ZCWPW2: variants seen among roughly 807,000 people sequenced by gnomAD.
The protein encoded by ZCWPW2 is zinc finger CW-type PWWP domain protein 2.
In ZCWPW2, 45 loss-of-function variants were observed where a neutral mutation model predicts 46.6. That is an observed-to-expected ratio of 0.96 (90% CI 0.76 to 1.24). The LOEUF (loss-of-function observed/expected upper bound fraction) is 1.24. Among genes scored for constraint, ZCWPW2 ranks in the 50% most tolerant of loss-of-function variants. ZCWPW2 has a pLI of 0.00. For synonymous variants in ZCWPW2, 152 were observed against 137.1 expected (o/e 1.11, Z -0.76); for missense variants, 429 against 403.9 (o/e 1.06, Z -0.53).
intron 4 of ZCWPW2, among the ~76,000 whole-genome samples, chr3:28,436,141 A>G (rs1458749695): frequency 1.3e-5 from 2 of 152,134 alleles, no homozygotes; most frequent in Admixed American, 6.6e-5. Context: ...TTATGAGAAT[A>G]GGTAAACTGG....
chr3:28,435,939 CTT>C (rs770132356), intron 4 of ZCWPW2, among the ~76,000 whole-genome samples: 94 of 152,230 alleles, frequency 6.2e-4, no homozygotes, highest in Non-Finnish European at 1.0e-3. Flanking sequence ...CACAGGAAAA[CTT>C]AATTATGGAT....
chr3:28,409,407 A>G (rs1333414254), intron 2 of ZCWPW2, among the ~76,000 whole-genome samples: 21 of 151,454 alleles, frequency 1.4e-4, no homozygotes, highest in Admixed American at 1.4e-3. Flanking sequence ...GGCATGAGGA[A>G]CCATGCCCGG....
chr3:28,491,914 A>T (rs1398693981), intron 5 of ZCWPW2, among the ~76,000 whole-genome samples: 1 of 152,106 alleles, frequency 6.6e-6, no homozygotes, highest in Admixed American at 6.6e-5. Context: ...CCAAATAAGT[A>T]TAAAAATGTT....
At chr3:28,391,409 A>G (rs189861930) in intron 2 of ZCWPW2, among the ~76,000 whole-genome samples, 1 of 152,004 alleles carries the variant, frequency 6.6e-6, no homozygotes, top group African/African-American at 2.4e-5. Context: ...AAAGCCAATG[A>G]GACAGCCACC....
At chr3:28,393,848 G>A (rs552471438) in intron 2 of ZCWPW2, among the ~76,000 whole-genome samples, 38 of 152,166 alleles carry the variant, frequency 2.5e-4, no homozygotes, top group African/African-American at 8.9e-4. Flanking sequence ...GTGGGGAAAG[G>A]TCTAACGTTT....
At chr3:28,520,618 G>T (rs1425050346) in intron 8 of ZCWPW2, among the ~76,000 whole-genome samples, 5 of 152,118 alleles carry the variant, frequency 3.3e-5, no homozygotes, top group African/African-American at 1.2e-4. Flanking sequence ...CCCAAAGCCT[G>T]AAATATTGGC....
chr3:28,427,676 C>T (rs927221783), intron 3 of ZCWPW2, among the ~76,000 whole-genome samples: 7 of 152,166 alleles, frequency 4.6e-5, no homozygotes, highest in African/African-American at 9.7e-5. Context: ...AAAATGAATA[C>T]TCTTGGGCCC....
chr3:28,441,552 C>T (rs1457874617), intron 4 of ZCWPW2, among the ~76,000 whole-genome samples: 1 of 152,128 alleles, frequency 6.6e-6, no homozygotes, highest in African/African-American at 2.4e-5. Context: ...AGAACCATCT[C>T]TTCTTCTGTC....
chr3:28,366,105 T>C (rs1227030266), intron 1 of ZCWPW2, among the ~76,000 whole-genome samples: 1 of 151,346 alleles, frequency 6.6e-6, no homozygotes, highest in Non-Finnish European at 1.5e-5. Flanking sequence ...ATAATTTGAC[T>C]TCCTCTTTTC....
chr3:28,426,013 G>A (rs568439615), intron 3 of ZCWPW2, among the ~76,000 whole-genome samples: 2 of 152,202 alleles, frequency 1.3e-5, no homozygotes, highest in South Asian at 4.2e-4. Flanking sequence ...GGAGGCTGAG[G>A]CAGGAGAATT....
intron 3 of ZCWPW2, among the ~76,000 whole-genome samples, chr3:28,425,344 T>G (rs1696963686): frequency 6.6e-6 from 1 of 152,178 alleles, no homozygotes; most frequent in Admixed American, 6.6e-5. Context: ...TATTGCTTAT[T>G]CAGTAACACA....
chr3:28,384,614 C>CTTTT (rs1172954946), intron 1 of ZCWPW2, among the ~76,000 whole-genome samples: 34 of 139,392 alleles, frequency 2.4e-4, no homozygotes, highest in African/African-American at 2.6e-4. Flanking sequence ...ATCTTTCTTT[C>CTTTT]TTTTTTTTTT....
At chr3:28,388,821 C>A (rs145209940) in intron 1 of ZCWPW2, among the ~76,000 whole-genome samples, 290 of 152,298 alleles carry the variant, frequency 1.9e-3, no homozygotes, top group Admixed American at 3.9e-3. Flanking sequence ...GTGATGTGGG[C>A]CATTAAGTAC....
chr3:28,386,228 C>A lies in ZCWPW2; in HGVS notation c.-133-4270C>A, dbSNP rs148694604. 1.1e-4 allele frequency among the ~76,000 whole-genome samples: 17 copies of A among 152,184 alleles called. 1 individual carries two copies. In the East Asian group the frequency reaches 2.9e-3, roughly 26 times the overall value. On this transcript the variant is annotated intron_variant, in intron 1 of 9. Coordinates refer to ENST00000383768, the MANE Select transcript of ZCWPW2 (RefSeq NM_001040432.4). ...GGATTAATGCCCTTATAAGAAAAGA[C>A]ACCAGAAAACTCACTTCCTCTTTTC... is the stretch of plus-strand genomic sequence containing the variant.
intron 1 of ZCWPW2, among the ~76,000 whole-genome samples, chr3:28,367,959 G>A (rs1247986676): frequency 1.3e-5 from 2 of 152,062 alleles, no homozygotes; most frequent in African/African-American, 4.8e-5. Flanking sequence ...CAGAGACTAG[G>A]CTTGCAACCC....
At chr3:28,511,314 T>G (rs1476527958) in intron 6 of ZCWPW2, among the ~76,000 whole-genome samples, 1 of 152,164 alleles carries the variant, frequency 6.6e-6, no homozygotes, top group Non-Finnish European at 1.5e-5. Flanking sequence ...ATTATGAAAC[T>G]TGAAAATACA....
intron 8 of ZCWPW2, among the ~76,000 whole-genome samples, chr3:28,516,044 C>T (rs1559536790): frequency 6.6e-6 from 1 of 151,844 alleles, no homozygotes; most frequent in African/African-American, 2.4e-5. Flanking sequence ...AGTTCAAGAC[C>T]AGCCTGGTCA....
At chr3:28,356,864 G>A (rs1704751034) in intron 1 of ZCWPW2, among the ~76,000 whole-genome samples, 1 of 152,112 alleles carries the variant, frequency 6.6e-6, no homozygotes, top group Admixed American at 6.6e-5. Flanking sequence ...TGGGGTGGGA[G>A]AAGGGGGGAA....
intron 5 of ZCWPW2, among the ~76,000 whole-genome samples, chr3:28,482,235 T>C (rs2125807589): frequency 6.6e-6 from 1 of 152,214 alleles, no homozygotes; most frequent in East Asian, 1.9e-4. Context: ...TGTCATATGG[T>C]TAGAATCATA....
Sources: gnomAD v4.1 joint callset for allele counts (sites outside exome capture counted in the v4.1 genomes callset) on GRCh38, gnomAD v4.1.1 for gene constraint, MANE v1.5 for transcripts, NCBI Gene and HGNC (gene_info 2026-07-23, HGNC 2026-07-21) for gene names.